MORN5: variants seen among roughly 807,000 people sequenced by gnomAD.
MORN5 encodes MORN repeat containing 5, also known as MORN repeat-containing protein 5.
MORN5 carries 21 observed loss-of-function variants against 22.1 expected under a neutral mutation model. The ratio of observed to expected loss-of-function variants is 0.95; its 90% CI spans 0.67 to 1.37. The LOEUF (loss-of-function observed/expected upper bound fraction) is 1.37. Among genes scored for constraint, MORN5 ranks in the 40% most tolerant of loss-of-function variants. The pLI, the probability that MORN5 is intolerant of heterozygous loss-of-function variation, is 0.00. For synonymous variants in MORN5, 73 were observed against 74.0 expected, an observed-to-expected ratio of 0.99 and a Z score of 0.07; for missense variants, 211 against 215.1, an observed-to-expected ratio of 0.98 and a Z score of 0.12.
intron 4 of MORN5, among the ~76,000 whole-genome samples, chr9:122,179,965 A>G (rs1034760435): frequency 4.6e-5 from 7 of 152,240 alleles, no homozygotes; most frequent in Non-Finnish European, 8.8e-5. Context: ...AGCCACTGCT[A>G]TTATGAAGCA....
chr9:122,165,290 G>A (rs1717967700), intron 1 of MORN5, among the ~76,000 whole-genome samples: 1 of 150,494 alleles, frequency 6.6e-6, no homozygotes, highest in Admixed American at 6.6e-5. Flanking sequence ...CCAGTGCAGT[G>A]GCTCACACCT....
chr9:122,191,342 A>G (rs2118783394), intron 4 of MORN5, among the ~76,000 whole-genome samples: 1 of 152,156 alleles, frequency 6.6e-6, no homozygotes, highest in South Asian at 2.1e-4. Flanking sequence ...CTGTGCACAC[A>G]CTCGCAGCTT....
rs1829339555 is a variant in MORN5 at position 122,169,727 on chromosome 9, C to G, written c.278C>G (p.Thr93Arg). Residue 93 changes from threonine (T) to arginine (R), a missense_variant, in exon 3 of 5, where the codon ACA becomes AGA. Coordinates refer to ENST00000373764, the MANE Select transcript of MORN5 (RefSeq NM_198469.4). ...GACGGCTATGATCGGAGGTTTTACA[C>G]AGAGATCCTCAATGGCTTGAAGCCT... is the stretch of plus-strand genomic sequence containing the variant. ...YCDGYDRRFY[T>R]EILNGLKPAG... The G allele has an allele frequency of 6.2e-7, 1 of 1,613,772 alleles. No individual in the cohort carries two copies. The highest frequency in any genetic ancestry group is 1.3e-5 in the African/African-American group (1 of 74,924).
intron 4 of MORN5, among the ~76,000 whole-genome samples, chr9:122,188,865 C>T (rs1486741924): frequency 2.6e-5 from 4 of 152,232 alleles, no homozygotes; most frequent in South Asian, 4.1e-4. Context: ...GCCTCCTGTC[C>T]GGGGAGCACC....
chr9:122,166,917 T>A lies in MORN5; in HGVS notation c.195+2T>A. The A allele has an allele frequency of 1.2e-6, 2 of 1,612,252 alleles. No homozygotes were observed. Among genetic ancestry groups the A allele is most frequent in the Non-Finnish European group, 1.7e-6 (2 of 1,179,078 alleles). ...TGGGAAAACGGATTGGCCATAAAGG[T>A]GATCAGCTGGGGGGACGGATGCTGT... On this transcript the variant is annotated splice_donor_variant, in intron 2 of 4. Coordinates refer to ENST00000373764, the MANE Select transcript of MORN5 (RefSeq NM_198469.4). LOFTEE classifies it high-confidence loss of function.
intron 3 of MORN5, 35 bp from the exon 4 acceptor site, chr9:122,174,461 C>T (rs1270001306): frequency 6.2e-7 from 1 of 1,609,138 alleles, no homozygotes; most frequent in African/African-American, 1.3e-5. Context: ...ATTTGGCCTT[C>T]ATGGTGAACT....
chr9:122,171,589 A>G (rs1390329352), intron 3 of MORN5, among the ~76,000 whole-genome samples: 1 of 152,120 alleles, frequency 6.6e-6, no homozygotes, highest in Non-Finnish European at 1.5e-5. Flanking sequence ...CCCTGCATCA[A>G]GCTTCCCTGA....
chr9:122,177,372 C>T (rs1829468006), intron 4 of MORN5, among the ~76,000 whole-genome samples: 1 of 152,206 alleles, frequency 6.6e-6, no homozygotes, highest in Non-Finnish European at 1.5e-5. Context: ...TCAGACAGTT[C>T]CAGTCCCACC....
intron 3 of MORN5, 21 bp from the exon 4 acceptor site, chr9:122,174,475 T>TGCCC: frequency 1.2e-6 from 2 of 1,611,904 alleles, no homozygotes; most frequent in South Asian, 2.2e-5. Flanking sequence ...GTGAACTAAT[T>TGCCC]GCCCATTATG....
At chr9:122,162,533 C>T (rs1180365646) in intron 1 of MORN5, among the ~76,000 whole-genome samples, 2 of 152,150 alleles carry the variant, frequency 1.3e-5, no homozygotes, top group Admixed American at 6.5e-5. Context: ...GTACTCATAG[C>T]AGCCTTATTT....
intron 4 of MORN5, among the ~76,000 whole-genome samples, chr9:122,180,967 G>A (rs1430352382): frequency 6.6e-6 from 1 of 152,222 alleles, no homozygotes; most frequent in Non-Finnish European, 1.5e-5. Context: ...ATGCAGGCAG[G>A]CAGAGCACCT....
At chr9:122,163,724 G>A (rs1343826430) in intron 1 of MORN5, among the ~76,000 whole-genome samples, 5 of 152,136 alleles carry the variant, frequency 3.3e-5, no homozygotes, top group Admixed American at 6.6e-5. Flanking sequence ...TTTCAATACC[G>A]TGCACAATTC....
intron 4 of MORN5, among the ~76,000 whole-genome samples, chr9:122,191,692 G>A (rs760707022): frequency 3.3e-5 from 5 of 152,248 alleles, no homozygotes; most frequent in Non-Finnish European, 7.3e-5. Flanking sequence ...AAAGGCGTGC[G>A]AAGAGCAGGC....
At chr9:122,181,482 A>G (rs1471180318) in intron 4 of MORN5, among the ~76,000 whole-genome samples, 2 of 152,194 alleles carry the variant, frequency 1.3e-5, no homozygotes, top group Non-Finnish European at 2.9e-5. Flanking sequence ...GCTACCCTCT[A>G]CTGCTGCTTA....
chr9:122,160,696 C>A (rs1446478574), intron 1 of MORN5, among the ~76,000 whole-genome samples: 1 of 151,998 alleles, frequency 6.6e-6, no homozygotes, highest in Non-Finnish European at 1.5e-5. Flanking sequence ...CTTACTGCAG[C>A]CTCAACCCCC....
intron 4 of MORN5, among the ~76,000 whole-genome samples, chr9:122,194,129 C>T (rs1281762122): frequency 1.3e-5 from 2 of 152,306 alleles, no homozygotes; most frequent in East Asian, 1.9e-4. Flanking sequence ...AGACATCTTT[C>T]GGCCCCAAAG....
rs565117552 is a variant in MORN5 at position 122,197,029 on chromosome 9, C to A, written c.440-2856C>A. ...GCATATACAACAAAATAATCATTCC[C>A]TCATTTTTAGAAATGTACATTTTCC... On this transcript the variant is annotated intron_variant, in intron 4 of 4. Coordinates refer to ENST00000373764, the MANE Select transcript of MORN5 (RefSeq NM_198469.4). The surrounding 1 kb of genome is among the most constrained non-coding windows in gnomAD (Gnocchi z 5.7). Among the ~76,000 whole-genome samples, 1 of 152,264 alleles carries A rather than the reference C, an allele frequency of 6.6e-6. No individual in the cohort carries two copies. The highest frequency in any genetic ancestry group is 6.5e-5 in the Admixed American group (1 of 15,296).
chr9:122,186,156 G>C (rs942963731), intron 4 of MORN5, among the ~76,000 whole-genome samples: 2 of 152,208 alleles, frequency 1.3e-5, no homozygotes, highest in Non-Finnish European at 2.9e-5. Context: ...GGGTAGGAAA[G>C]AAAGTTATGA....
chr9:122,164,462 C>T (rs1015376514), intron 1 of MORN5: 2 of 510,518 alleles, frequency 3.9e-6, no homozygotes, highest in Non-Finnish European at 5.0e-6. Flanking sequence ...GCTCCAGTCC[C>T]GTCCAGAGAT....
Sources: gnomAD v4.1 joint callset for allele counts (sites outside exome capture counted in the v4.1 genomes callset) on GRCh38, gnomAD v4.1.1 for gene constraint, Gnocchi (gnomAD v3.1) non-coding constraint, MANE v1.5 for transcripts, NCBI Gene and HGNC (gene_info 2026-07-23, HGNC 2026-07-21) for gene names.